The following FARS2 variants were observed in gnomAD, a reference collection of about 807,000 sequenced individuals.
FARS2 encodes the protein phenylalanine--tRNA ligase, mitochondrial.
In FARS2, 40 loss-of-function variants were observed where a neutral mutation model predicts 46.4. That is an observed-to-expected ratio of 0.86 (90% CI 0.67 to 1.12). The LOEUF is 1.12. Ranked by LOEUF, FARS2 falls within the 50% of genes most tolerant of loss-of-function variation. FARS2 has a pLI of 0.00. For synonymous variants in FARS2, 234 were observed against 214.9 expected, an observed-to-expected ratio of 1.09 and a Z score of -0.78; for missense variants, 513 against 567.9, an observed-to-expected ratio of 0.90 and a Z score of 0.98.
Position 5,709,733 on chromosome 6 carries a change from T to TG in FARS2, c.1218-61557dup, listed in dbSNP as rs149822724. Among the ~76,000 whole-genome samples the TG allele has an allele frequency of 1.0e-3, 130 of 128,858 alleles. 2 individuals are homozygous for TG. The highest frequency in any genetic ancestry group is 4.2e-3 in the Middle Eastern group (1 of 240). The allele number at this position is 128,858 out of a possible 152,430, so 84.5% of individuals were successfully genotyped here. A position where few individuals can be genotyped will look rare whatever the true frequency, so the allele number is the denominator to read the frequency against. The stretch of plus-strand genomic sequence containing the variant: ...GTGCATGTTGGGGGGGGTGGGGTTG[T>TG]GTGTGTGTGTGTGCGCGCGCGCGTG... On this transcript the variant is annotated intron_variant, in intron 6 of 6. Transcript: ENST00000274680.
At chr6:5,284,938 T>C (rs564988499) in intron 1 of FARS2, among the ~76,000 whole-genome samples, 11 of 152,298 alleles carry the variant, frequency 7.2e-5, no homozygotes, top group Non-Finnish European at 1.3e-4. Flanking sequence ...TGGAACTCAA[T>C]GTGTCTGAAA....
At chr6:5,267,159 T>TAA (rs34285103) in intron 1 of FARS2, among the ~76,000 whole-genome samples, 9,151 of 147,148 alleles carry the variant, frequency 0.062, 380 homozygotes, top group African/African-American at 0.11. Context: ...TTTTTTTTCT[T>TAA]AAAAAAAAAA....
At chr6:5,515,015 G>T (rs948917729) in intron 4 of FARS2, among the ~76,000 whole-genome samples, 1 of 151,576 alleles carries the variant, frequency 6.6e-6, no homozygotes, top group African/African-American at 2.4e-5. Flanking sequence ...GTCTCAAGTG[G>T]TCCTCCTGGT....
chr6:5,771,287 G>A lies in FARS2; in HGVS notation c.1218-4G>A, dbSNP rs770283015. ...ACTCACCTGTGTTCTCTTCCTCTCT[G>A]TAGGACGCACAAGACCAGCCACTGC... On this transcript the variant is annotated splice_polypyrimidine_tract_variant and splice_region_variant and intron_variant, in intron 6 of 6. Coordinates refer to ENST00000274680, the MANE Select transcript of FARS2 (RefSeq NM_006567.5). 2 of 1,614,062 alleles carry A rather than the reference G, an allele frequency of 1.2e-6. No homozygotes were observed. The highest frequency in any genetic ancestry group is 1.7e-6 in the Non-Finnish European group (2 of 1,179,986).
intron 6 of FARS2, among the ~76,000 whole-genome samples, chr6:5,707,154 G>T (rs2150894605): frequency 6.6e-6 from 1 of 152,206 alleles, no homozygotes; most frequent in African/African-American, 2.4e-5. Flanking sequence ...CGAAAGGAAT[G>T]AATGTGTCTG....
chr6:5,291,741 G>A (rs1358007260), intron 1 of FARS2, among the ~76,000 whole-genome samples: 1 of 150,668 alleles, frequency 6.6e-6, no homozygotes, highest in Non-Finnish European at 1.5e-5. Context: ...ATGGACAACA[G>A]CAAGACCCAT....
intron 4 of FARS2, among the ~76,000 whole-genome samples, chr6:5,434,734 A>G (rs1763422877): frequency 6.6e-6 from 1 of 151,986 alleles, no homozygotes. Flanking sequence ...CTCTTCTTCT[A>G]TATTTGCTCC....
intron 6 of FARS2, among the ~76,000 whole-genome samples, chr6:5,641,185 G>T (rs1250464021): frequency 6.6e-6 from 1 of 152,064 alleles, no homozygotes. Flanking sequence ...GCCATCACAG[G>T]GCCACTGAGA....
chr6:5,447,993 A>G (rs1764274697), intron 4 of FARS2, among the ~76,000 whole-genome samples: 1 of 152,250 alleles, frequency 6.6e-6, no homozygotes. Flanking sequence ...CTTTGCCAGC[A>G]CAATAGGAAG....
chr6:5,490,616 T>C (rs573872205), intron 4 of FARS2, among the ~76,000 whole-genome samples: 2 of 152,174 alleles, frequency 1.3e-5, no homozygotes, highest in Non-Finnish European at 2.9e-5. Flanking sequence ...ATCAGTAGAG[T>C]ATAGCAAAAG....
chr6:5,497,864 G>A (rs1023698466), intron 4 of FARS2, among the ~76,000 whole-genome samples: 9 of 152,130 alleles, frequency 5.9e-5, no homozygotes, highest in Non-Finnish European at 1.0e-4. Context: ...TAATAGGAGC[G>A]TGAGCATCTG....
chr6:5,373,877 G>C (rs1759213708), intron 2 of FARS2, among the ~76,000 whole-genome samples: 1 of 151,890 alleles, frequency 6.6e-6, no homozygotes, highest in Non-Finnish European at 1.5e-5. Context: ...TTAAAAGAAA[G>C]ATCTATCAGT....
chr6:5,392,630 T>G (rs974936862), intron 2 of FARS2, among the ~76,000 whole-genome samples: 3 of 151,736 alleles, frequency 2.0e-5, no homozygotes, highest in Non-Finnish European at 2.9e-5. Context: ...AGTGGGAGGA[T>G]TGCTTGAGCC....
At chr6:5,522,370 A>G (rs1263757318) in intron 4 of FARS2, among the ~76,000 whole-genome samples, 1 of 152,218 alleles carries the variant, frequency 6.6e-6, no homozygotes, top group East Asian at 1.9e-4. Context: ...CTCTGTGACC[A>G]GGGAGAGGAG....
intron 4 of FARS2, among the ~76,000 whole-genome samples, chr6:5,530,192 C>T (rs763527467): frequency 6.6e-6 from 1 of 152,210 alleles, no homozygotes; most frequent in South Asian, 2.1e-4. Flanking sequence ...CATCATAGCA[C>T]TTTTGTAGTG....
chr6:5,434,708 C>T (rs9378425), intron 4 of FARS2, among the ~76,000 whole-genome samples: 66,033 of 151,894 alleles, frequency 0.43, 14,695 homozygotes, highest in East Asian at 0.52. Context: ...TCGTGCAGTT[C>T]CGCTATTCTT....
chr6:5,749,842 G>T (rs1269312230), intron 6 of FARS2, among the ~76,000 whole-genome samples: 1 of 152,182 alleles, frequency 6.6e-6, no homozygotes, highest in African/African-American at 2.4e-5. Flanking sequence ...AGAACATGAA[G>T]CAATCCAGGT....
chr6:5,609,582 C>T (rs1382407455), intron 5 of FARS2: 2 of 1,282,700 alleles, frequency 1.6e-6, no homozygotes, highest in East Asian at 2.3e-5. Flanking sequence ...ACGACCACCA[C>T]CAAAGTTTCC....
In FARS2 at chr6:5,550,268, T is replaced by A. The variant is rs150745647; in HGVS notation, c.1065+4928T>A. On this transcript the variant is annotated intron_variant, in intron 5 of 6. Transcript: ENST00000274680. ...ATTTCTACCCTCTAAAATATCCTTC[T>A]TTTTTAAAGTTCTTTTATTTATTTA... Among the ~76,000 whole-genome samples, 903 of 152,310 alleles carry A rather than the reference T, an allele frequency of 5.9e-3. 11 individuals carry two copies. The highest frequency in any genetic ancestry group is 0.02 in the African/African-American group (820 of 41,574).
Sources: gnomAD v4.1 joint callset for allele counts (sites outside exome capture counted in the v4.1 genomes callset) on GRCh38, gnomAD v4.1.1 for gene constraint, MANE v1.5 for transcripts, NCBI Gene and HGNC (gene_info 2026-07-23, HGNC 2026-07-21) for gene names.